The following EPHB1 variants were observed in gnomAD, a reference collection of about 807,000 sequenced individuals.
The protein encoded by EPHB1 is ephrin type-B receptor 1.
In EPHB1, 30 loss-of-function variants were observed where a neutral mutation model predicts 94.4. The observed-to-expected ratio is 0.32, with a 90% CI of 0.24 to 0.43. The LOEUF is 0.43. Among genes scored for constraint, EPHB1 ranks in the 20% least tolerant of loss-of-function variants. The probability of loss-of-function intolerance (pLI) is 1.00; values close to 1 mark genes in which losing one functional copy is unlikely to be tolerated. For missense variants in EPHB1, 1,055 were observed against 1,308.3 expected, an observed-to-expected ratio of 0.81 and a Z score of 2.99; for synonymous variants, 522 against 489.1, an observed-to-expected ratio of 1.07 and a Z score of -0.89.
chr3:135,009,643 G>A (rs762723927), intron 3 of EPHB1, among the ~76,000 whole-genome samples: 1 of 152,202 alleles, frequency 6.6e-6, no homozygotes, highest in Non-Finnish European at 1.5e-5. Context: ...CTAACAGAAG[G>A]CATTGCTAAG....
chr3:135,164,666 G>A (rs370561012), intron 7 of EPHB1, among the ~76,000 whole-genome samples: 26 of 152,056 alleles, frequency 1.7e-4, no homozygotes, highest in Middle Eastern at 3.4e-3. Context: ...AAAAGTAGCC[G>A]GGTGTGGTGG....
At position 135,068,499 on chromosome 3, in the gene EPHB1, T is replaced by A. The variant is rs1446949986; in HGVS notation, c.806-37949T>A. On this transcript the variant is annotated intron_variant, in intron 3 of 15. Coordinates refer to ENST00000398015, the MANE Select transcript of EPHB1 (RefSeq NM_004441.5). ...ATTTCTTTACCCATTTTTAAATTGG[T>A]TTGTTTTTTTATTGTTGTTGTAAGT... 2.0e-5 allele frequency among the ~76,000 whole-genome samples: 3 copies of A among 152,098 alleles called. No homozygotes were observed. In the East Asian group the frequency reaches 5.8e-4, roughly 29 times the overall value.
chr3:135,020,864 G>A (rs907680339), intron 3 of EPHB1, among the ~76,000 whole-genome samples: 16 of 152,052 alleles, frequency 1.1e-4, no homozygotes, highest in Non-Finnish European at 2.2e-4. Flanking sequence ...AATCTACCTG[G>A]AATGTATTTT....
intron 10 of EPHB1, among the ~76,000 whole-genome samples, chr3:135,192,007 G>A (rs955685355): frequency 7.9e-5 from 12 of 152,154 alleles, no homozygotes; most frequent in Admixed American, 6.5e-5. Context: ...GGCTGTCTCC[G>A]CCCAATCCTG....
At chr3:135,005,387 T>C (rs1020233185) in intron 3 of EPHB1, among the ~76,000 whole-genome samples, 5 of 152,240 alleles carry the variant, frequency 3.3e-5, no homozygotes, top group East Asian at 1.9e-4. Flanking sequence ...CATTTTAGTC[T>C]GCAGAGGAGA....
intron 3 of EPHB1, among the ~76,000 whole-genome samples, chr3:134,998,525 C>G (rs1935071240): frequency 6.6e-6 from 1 of 152,184 alleles, no homozygotes; most frequent in African/African-American, 2.4e-5. Context: ...CAAACCATCT[C>G]TGATGCAGAT....
intron 4 of EPHB1, among the ~76,000 whole-genome samples, chr3:135,125,625 T>A (rs1320041762): frequency 1.3e-5 from 2 of 152,228 alleles, no homozygotes; most frequent in Non-Finnish European, 2.9e-5. Context: ...GTTTTGGCAT[T>A]GTTTTCAAAT....
chr3:135,147,432 C>T (rs1442969032), intron 5 of EPHB1, among the ~76,000 whole-genome samples: 2 of 152,144 alleles, frequency 1.3e-5, no homozygotes, highest in African/African-American at 2.4e-5. Flanking sequence ...TGTGTATGAA[C>T]GTTTATAGAG....
chr3:134,885,710 G>A (rs1339354260), intron 1 of EPHB1, among the ~76,000 whole-genome samples: 1 of 152,198 alleles, frequency 6.6e-6, no homozygotes, highest in Non-Finnish European at 1.5e-5. Flanking sequence ...CAGAACCCAG[G>A]GGGCTTAGTT....
At chr3:134,833,633 A>G (rs2036617286) in intron 1 of EPHB1, among the ~76,000 whole-genome samples, 1 of 152,196 alleles carries the variant, frequency 6.6e-6, no homozygotes, top group African/African-American at 2.4e-5. Flanking sequence ...GATGGGTGCC[A>G]GGACTGAAGG....
chr3:135,066,919 G>A (rs776482898), intron 3 of EPHB1, among the ~76,000 whole-genome samples: 36 of 152,178 alleles, frequency 2.4e-4, no homozygotes, highest in Non-Finnish European at 4.0e-4. Flanking sequence ...TCCTGTGGAT[G>A]TGGCTTCCTG....
intron 15 of EPHB1, among the ~76,000 whole-genome samples, chr3:135,254,478 G>T (rs1933278250): frequency 6.9e-6 from 1 of 143,942 alleles, no homozygotes; most frequent in African/African-American, 2.6e-5. Context: ...TAATCATGTG[G>T]TTTTTGTCTT....
intron 1 of EPHB1, among the ~76,000 whole-genome samples, chr3:134,894,677 A>G (rs2107686834): frequency 6.6e-6 from 1 of 152,378 alleles, no homozygotes; most frequent in East Asian, 1.9e-4. Flanking sequence ...AGCCAGCCTC[A>G]GTACCCAGAC....
At chr3:134,992,817 C>T (rs572789965) in intron 3 of EPHB1, among the ~76,000 whole-genome samples, 1 of 152,306 alleles carries the variant, frequency 6.6e-6, no homozygotes, top group African/African-American at 2.4e-5. Context: ...AACAAAATCT[C>T]ACCCACTTCC....
chr3:134,975,208 C>T (rs1934136464), intron 3 of EPHB1, among the ~76,000 whole-genome samples: 1 of 152,062 alleles, frequency 6.6e-6, no homozygotes, highest in Non-Finnish European at 1.5e-5. Context: ...ATGTTGGAAA[C>T]TTTTATGGGG....
chr3:134,831,017 T>G (rs576811834), intron 1 of EPHB1, among the ~76,000 whole-genome samples: 2 of 152,194 alleles, frequency 1.3e-5, no homozygotes, highest in African/African-American at 2.4e-5. Flanking sequence ...GACTTCCTAC[T>G]GTCATGCAAG....
chr3:135,032,720 C>A (rs1936519268), intron 3 of EPHB1, among the ~76,000 whole-genome samples: 1 of 152,084 alleles, frequency 6.6e-6, no homozygotes, highest in African/African-American at 2.4e-5. Flanking sequence ...TTCTCAGATG[C>A]CTTACAATTT....
chr3:135,220,834 G>A (rs949346338), intron 12 of EPHB1, among the ~76,000 whole-genome samples: 3 of 152,110 alleles, frequency 2.0e-5, no homozygotes, highest in Non-Finnish European at 4.4e-5. Context: ...CTCACAACTT[G>A]CTACTCCAAG....
intron 3 of EPHB1, among the ~76,000 whole-genome samples, chr3:135,012,937 A>C (rs1379388710): frequency 6.6e-6 from 1 of 152,232 alleles, no homozygotes; most frequent in Non-Finnish European, 1.5e-5. Flanking sequence ...ATTTGCATGT[A>C]CATATTTTAT....
Sources: gnomAD v4.1 joint callset for allele counts (sites outside exome capture counted in the v4.1 genomes callset) on GRCh38, gnomAD v4.1.1 for gene constraint, MANE v1.5 for transcripts, NCBI Gene and HGNC (gene_info 2026-07-23, HGNC 2026-07-21) for gene names.